Variants in RAD17 observed in about 807,000 individuals in gnomAD.
RAD17 encodes the protein RAD17 checkpoint clamp loader component.
In RAD17, 31 loss-of-function variants were observed where a neutral mutation model predicts 81.5. The observed-to-expected ratio is 0.38, with a 90% CI of 0.29 to 0.51. The LOEUF is 0.51. Ranked by LOEUF, RAD17 falls within the 20% of genes least tolerant of loss-of-function variation. The probability of loss-of-function intolerance (pLI) is 0.88; values close to 1 mark genes in which losing one functional copy is unlikely to be tolerated. For missense variants in RAD17, 681 were observed against 781.2 expected (o/e 0.87, Z 1.53); for synonymous variants, 261 against 266.2 (o/e 0.98, Z 0.19).
At chr5:69,400,014 T>C in intron 16 of RAD17, 35 bp from the exon 17 acceptor site, 1 of 1,427,634 alleles carries the variant, frequency 7.0e-7, no homozygotes, top group Non-Finnish European at 9.5e-7. Flanking sequence ...TAATTTCATT[T>C]TTCCTTTCAT....
chr5:69,381,003 A>G (rs1763821280), intron 6 of RAD17, among the ~76,000 whole-genome samples: 1 of 152,082 alleles, frequency 6.6e-6, no homozygotes, highest in South Asian at 2.1e-4. Context: ...TCCTGGGCTC[A>G]AGGAATCCGT....
chr5:69,402,003 CAAA>C (rs1173414879), intron 17 of RAD17, among the ~76,000 whole-genome samples: 1 of 44,926 alleles, frequency 2.2e-5, no homozygotes, highest in Non-Finnish European at 3.7e-5. Flanking sequence ...GACTCTGTCT[CAAA>C]AAAAAAAAAA....
chr5:69,385,175 T>C (rs1201375427), intron 8 of RAD17, among the ~76,000 whole-genome samples: 2 of 151,654 alleles, frequency 1.3e-5, no homozygotes, highest in Non-Finnish European at 2.9e-5. Flanking sequence ...TTAGCCAGGA[T>C]GGTCTCGATC....
intron 17 of RAD17, among the ~76,000 whole-genome samples, chr5:69,401,807 GA>G (rs1396518306): frequency 6.6e-6 from 1 of 150,400 alleles, no homozygotes; most frequent in Non-Finnish European, 1.5e-5. Context: ...CTAACATGGT[GA>G]AACCCCATCT....
At chr5:69,408,439 T>C (rs1311031656) in intron 17 of RAD17, among the ~76,000 whole-genome samples, 1 of 151,928 alleles carries the variant, frequency 6.6e-6, no homozygotes, top group Non-Finnish European at 1.5e-5. Context: ...TCACTTTGTC[T>C]CTTTCCCTGA....
At chr5:69,380,492 C>A (rs1763784686) in intron 6 of RAD17, among the ~76,000 whole-genome samples, 1 of 152,120 alleles carries the variant, frequency 6.6e-6, no homozygotes, top group African/African-American at 2.4e-5. Context: ...TATTGTTGAT[C>A]CATATAGTTT....
At position 69,393,495 on chromosome 5, in the gene RAD17, T is replaced by G; in HGVS notation, c.1417T>G (p.Trp473Gly). 6.9e-6 allele frequency: 11 copies of G among 1,600,320 alleles called. No homozygotes were observed. The highest frequency in any genetic ancestry group is 9.4e-6 in the Non-Finnish European group (11 of 1,176,218). The change falls in exon 15 of 19, where the codon TGG (tryptophan) becomes GGG (glycine). Residue 473 changes from tryptophan (W) to glycine (G), a missense_variant. Transcript: ENST00000354868. Reference protein sequence around the residue: ...LSFADILSGDWNTRSLLREYS... With the variant: ...LSFADILSGDGNTRSLLREYS... ...TTTTGCAGATATCCTCAGTGGTGAC[T>G]GGAATGTAAGACCATTTGACTTAAA...
upstream of RAD17, chr5:69,369,338 C>T (rs1432462578): frequency 1.9e-6 from 2 of 1,077,632 alleles, no homozygotes; most frequent in Non-Finnish European, 2.5e-6. Flanking sequence ...CTGACAACCG[C>T]CTCGTGGCCC....
chr5:69,384,667 A>AT (rs755034566), intron 7 of RAD17, 130 bp from the exon 8 acceptor site: 5 of 854,720 alleles, frequency 5.8e-6, no homozygotes, highest in Non-Finnish European at 8.4e-6. Flanking sequence ...AATTTAAATG[A>AT]TTTTTCCTAA....
upstream of RAD17, chr5:69,369,386 CCTGGGCGCCCGATGCCCAGAGCACT>C: frequency 6.5e-7 from 1 of 1,540,446 alleles, no homozygotes; most frequent in South Asian, 1.2e-5. Context: ...GGGGCCCCCA[CCTGGGCGCCCGATGCCCAGAGCACT>C]CTGCGCCCCC....
chr5:69,388,441 T>C lies in RAD17; in HGVS notation c.895-593T>C, dbSNP rs539391579. Among the ~76,000 whole-genome samples, 46 of 152,282 alleles carry C rather than the reference T, an allele frequency of 3.0e-4. No homozygotes were observed. In the South Asian group the frequency reaches 8.9e-3, roughly 29 times the overall value. On this transcript the variant is annotated intron_variant, in intron 11 of 18. Transcript: ENST00000354868. ...ATATGTTGTTATATATCTGTGTGTA[T>C]GTAGTGAGAAAGAGTAAAAACTTCA...
Position 69,391,978 on chromosome 5 carries a change from T to A in RAD17, c.1154T>A (p.Leu385His), listed in dbSNP as rs771791243. ...GGTGGCAAAGATGTTTCTCTGTTTC[T>A]CTTCAGAGCTTTGGGGAAAATTCTA... ...AIGGKDVSLF[L>H]FRALGKILYC... Residue 385 changes from leucine to histidine, a missense_variant, in exon 13 of 19, where the codon CTC becomes CAC. Physicochemically the swap from Leu to His is moderately conservative, Grantham distance 99 (BLOSUM62 -3). Transcript: ENST00000354868. 6.4e-7 allele frequency: 1 copy of A among 1,556,920 alleles called. No homozygotes were observed. Among genetic ancestry groups the A allele is most frequent in the East Asian group, 2.4e-5 (1 of 41,994 alleles).
intron 17 of RAD17, among the ~76,000 whole-genome samples, chr5:69,402,167 C>T (rs1318567499): frequency 6.6e-6 from 1 of 150,780 alleles, no homozygotes; most frequent in Non-Finnish European, 1.5e-5. Flanking sequence ...CCTGCCTCAG[C>T]CTCCAAAGTA....
intron 6 of RAD17, among the ~76,000 whole-genome samples, chr5:69,380,346 A>G (rs2150795121): frequency 6.6e-6 from 1 of 152,360 alleles, no homozygotes; most frequent in Middle Eastern, 3.4e-3. Context: ...TGTGTACACC[A>G]GCATTACCAC....
In RAD17 at chr5:69,411,100, C is replaced by T. The variant is rs140923367; in HGVS notation, c.1751+550C>T. ...CTTATTTGTAAGATCGAATTAAGCA[C>T]TTAGGAATTGTTTAAAGATTTTAAA... On this transcript the variant is annotated intron_variant, in intron 18 of 18. Transcript: ENST00000354868. Among the ~76,000 whole-genome samples, 247 of 151,070 alleles carry T rather than the reference C, an allele frequency of 1.6e-3. 1 individual carries two copies. The highest frequency in any genetic ancestry group is 5.8e-3 in the African/African-American group (237 of 41,126).
At chr5:69,392,358 T>C (rs299081) in intron 13 of RAD17, among the ~76,000 whole-genome samples, 72,542 of 152,000 alleles carry the variant, frequency 0.48, 17,469 homozygotes, top group South Asian at 0.54. Flanking sequence ...AACAGAGCCT[T>C]ATACAAATTA....
intron 12 of RAD17, among the ~76,000 whole-genome samples, chr5:69,389,502 C>T (rs1403265380): frequency 6.6e-6 from 1 of 152,174 alleles, no homozygotes; most frequent in Admixed American, 6.5e-5. Context: ...GCACTTACCT[C>T]TTAGGGTTCT....
intron 17 of RAD17, among the ~76,000 whole-genome samples, chr5:69,401,613 T>C (rs1296426001): frequency 6.6e-6 from 1 of 152,170 alleles, no homozygotes; most frequent in Non-Finnish European, 1.5e-5. Flanking sequence ...AAAAATGGGA[T>C]AACTTTTGGG....
Position 69,374,664 on chromosome 5 carries a change from G to C in RAD17, c.304G>C (p.Val102Leu). 1 of 1,611,870 alleles carries C rather than the reference G, an allele frequency of 6.2e-7. No homozygotes were observed. The highest frequency in any genetic ancestry group is 2.2e-5 in the East Asian group (1 of 44,790). The change falls in exon 6 of 19, where the codon GTC becomes CTC. Residue 102 changes from valine to leucine, a missense_variant. By Grantham distance (32) the Val-to-Leu change is conservative. Transcript: ENST00000354868. ...LAVHKKKIEE[V>L]ETWLKAQVLE... ...TGTGCATAAAAAGAAAATTGAAGAAGTCGAAACCTGGTTAAAAGCTCAAGT... is the reference window on the plus strand; with the variant it reads ...TGTGCATAAAAAGAAAATTGAAGAACTCGAAACCTGGTTAAAAGCTCAAGT...
Sources: gnomAD v4.1 joint callset for allele counts (sites outside exome capture counted in the v4.1 genomes callset) on GRCh38, gnomAD v4.1.1 for gene constraint, MANE v1.5 for transcripts, NCBI Gene and HGNC (gene_info 2026-07-23, HGNC 2026-07-21) for gene names.